Variants in ACAP2 observed in about 807,000 individuals in gnomAD.
The protein encoded by ACAP2 is arf-GAP with coiled-coil, ANK repeat and PH domain-containing protein 2.
Under a neutral mutation model 115.8 loss-of-function variants are expected in ACAP2, and 39 were observed. That is an observed-to-expected ratio of 0.34 (90% confidence interval 0.26 to 0.44). ACAP2 has a LOEUF of 0.44. Ranked by LOEUF, ACAP2 falls within the 20% of genes least tolerant of loss-of-function variation. ACAP2 has a pLI of 1.00. For synonymous variants in ACAP2, 289 were observed against 315.8 expected, an observed-to-expected ratio of 0.92 and a Z score of 0.90; for missense variants, 662 against 927.6, an observed-to-expected ratio of 0.71 and a Z score of 3.72.
intron 4 of ACAP2, among the ~76,000 whole-genome samples, chr3:195,364,043 G>A (rs766067736): frequency 1.4e-4 from 21 of 152,194 alleles, no homozygotes; most frequent in Non-Finnish European, 2.2e-4. Context: ...ACATTGGACT[G>A]GATAAAAATT....
At position 195,385,246 on chromosome 3, in the gene ACAP2, CAAAAAAA is replaced by C. The variant is rs112932639; in HGVS notation, c.112-3231_112-3225del. Among the ~76,000 whole-genome samples, 22 of 118,740 alleles carry C rather than the reference CAAAAAAA, an allele frequency of 1.9e-4. No individual in the cohort carries two copies. In the East Asian group the frequency reaches 5.5e-3, roughly 30 times the overall value. The allele number at this position is 118,740 out of a possible 152,430, so 77.9% of individuals were successfully genotyped here. ...TGGTCAACAACCCTATCTCTGTATTCAAAAAAAAAAAAAAAAGATTCTTAGCACAAAC... is the reference window on the plus strand; with the variant it reads ...TGGTCAACAACCCTATCTCTGTATTCAAAAAAAAAGATTCTTAGCACAAAC... On this transcript the variant is annotated intron_variant, in intron 2 of 22. Coordinates refer to ENST00000326793, the MANE Select transcript of ACAP2 (RefSeq NM_012287.6).
chr3:195,424,157 T>A (rs1283990379), intron 1 of ACAP2, among the ~76,000 whole-genome samples: 1 of 150,840 alleles, frequency 6.6e-6, no homozygotes. Context: ...TCCCCTAGTA[T>A]AAATAGCATA....
chr3:195,437,185 T>C (rs539274608), intron 1 of ACAP2, among the ~76,000 whole-genome samples: 228 of 151,666 alleles, frequency 1.5e-3, no homozygotes, highest in African/African-American at 5.3e-3. Context: ...TAGCTGGGAC[T>C]ACAGGCGTGG....
At chr3:195,362,017 T>C (rs1386884506) in intron 4 of ACAP2, among the ~76,000 whole-genome samples, 3 of 151,922 alleles carry the variant, frequency 2.0e-5, no homozygotes, top group Non-Finnish European at 4.4e-5. Flanking sequence ...AAAGCTCAAA[T>C]AAAAAGTCTT....
In ACAP2 at chr3:195,285,884, G is replaced by T. The variant is rs567904340; in HGVS notation, c.2175-27C>A. 3 of 1,507,732 alleles carry T rather than the reference G, an allele frequency of 2.0e-6. No homozygotes were observed. The African/African-American group carries it at 4.2e-5, about 21-fold the overall frequency. 93.4% of individuals were successfully genotyped at this position (1,507,732 alleles called of 1,614,324 possible). A position where few individuals can be genotyped will look rare whatever the true frequency, so the allele number is the denominator to read the frequency against. Reference sequence around the variant, plus strand: ...TAAAAATAAATAAAATAGTGTTTTAGATGACATTATATAATATAAATGTCA... The same window carrying T: ...TAAAAATAAATAAAATAGTGTTTTATATGACATTATATAATATAAATGTCA... On this transcript the variant is annotated intron_variant, in intron 21 of 22. Coordinates refer to ENST00000326793, the MANE Select transcript of ACAP2 (RefSeq NM_012287.6).
chr3:195,394,476 C>T (rs1431317473), intron 1 of ACAP2, among the ~76,000 whole-genome samples: 6 of 152,160 alleles, frequency 3.9e-5, no homozygotes, highest in African/African-American at 1.4e-4. Flanking sequence ...AATCTTATTT[C>T]ACTGTGCAAT....
Position 195,428,351 on chromosome 3 carries a change from C to T in ACAP2, c.53+14444G>A, listed in dbSNP as rs983821709. 7.6e-4 allele frequency among the ~76,000 whole-genome samples: 111 copies of T among 145,622 alleles called. 1 individual carries two copies. The highest frequency in any genetic ancestry group is 1.8e-3 in the Admixed American group (26 of 14,726). ...AGGTGTGTGTGTATATATATATACA[C>T]ACACACACACACTCATATATATAGG... On this transcript the variant is annotated intron_variant, in intron 1 of 22. Transcript: ENST00000326793.
At chr3:195,411,432 T>C (rs1213853410) in intron 1 of ACAP2, among the ~76,000 whole-genome samples, 5 of 152,216 alleles carry the variant, frequency 3.3e-5, no homozygotes, top group African/African-American at 7.2e-5. Flanking sequence ...GTGCATATAA[T>C]AGAATACGCA....
At chr3:195,340,799 A>G (rs530611019) in intron 6 of ACAP2, among the ~76,000 whole-genome samples, 1 of 152,088 alleles carries the variant, frequency 6.6e-6, no homozygotes, top group East Asian at 1.9e-4. Context: ...TACAGCAGAA[A>G]ATGGTATAAT....
intron 4 of ACAP2, among the ~76,000 whole-genome samples, chr3:195,380,297 A>C (rs1193688223): frequency 6.6e-6 from 1 of 152,184 alleles, no homozygotes; most frequent in Non-Finnish European, 1.5e-5. Flanking sequence ...TCAAATTAAG[A>C]ACCAAAAACA....
At chr3:195,407,669 C>A (rs1477663335) in intron 1 of ACAP2, among the ~76,000 whole-genome samples, 1 of 152,112 alleles carries the variant, frequency 6.6e-6, no homozygotes, top group African/African-American at 2.4e-5. Context: ...TGCACTCCTG[C>A]CTGGGCAACA....
intron 20 of ACAP2, among the ~76,000 whole-genome samples, chr3:195,290,711 G>C (rs942576335): frequency 3.3e-4 from 50 of 152,154 alleles, no homozygotes; most frequent in Middle Eastern, 3.4e-3. Flanking sequence ...TACTCAGGGG[G>C]CTAAGGCAGG....
chr3:195,378,074 G>A (rs1195604772), intron 4 of ACAP2, among the ~76,000 whole-genome samples: 4 of 150,784 alleles, frequency 2.7e-5, no homozygotes, highest in South Asian at 2.1e-4. Flanking sequence ...GAGGGAGGGA[G>A]GAAGGGAGGA....
intron 4 of ACAP2, among the ~76,000 whole-genome samples, chr3:195,351,449 T>TGTGC (rs1731589559): frequency 1.5e-5 from 1 of 68,890 alleles, no homozygotes; most frequent in African/African-American, 7.0e-5. Context: ...TTCGTGTGTG[T>TGTGC]GTGTGTGTGT....
intron 2 of ACAP2, among the ~76,000 whole-genome samples, chr3:195,391,609 G>C (rs1734682453): frequency 6.6e-6 from 1 of 152,118 alleles, no homozygotes; most frequent in African/African-American, 2.4e-5. Context: ...CTGGCACTTA[G>C]ATTAGACTTT....
chr3:195,293,941 G>A (rs1004842671), intron 18 of ACAP2, among the ~76,000 whole-genome samples: 1 of 151,642 alleles, frequency 6.6e-6, no homozygotes, highest in Non-Finnish European at 1.5e-5. Flanking sequence ...AGACCATCCT[G>A]GCTAACATGG....
At chr3:195,353,212 G>T (rs750961833) in intron 4 of ACAP2, among the ~76,000 whole-genome samples, 18 of 152,090 alleles carry the variant, frequency 1.2e-4, no homozygotes, top group Non-Finnish European at 2.5e-4. Flanking sequence ...TCCTTGGTCA[G>T]AGGACCAGAG....
chr3:195,308,982 A>C, intron 10 of ACAP2, 145 bp from the exon 11 acceptor site: 1 of 700,300 alleles, frequency 1.4e-6, no homozygotes, highest in Middle Eastern at 3.3e-4. Context: ...GCTTTATATA[A>C]ACTGATTCTA....
At chr3:195,385,364 T>C (rs1401261439) in intron 2 of ACAP2, among the ~76,000 whole-genome samples, 1 of 150,922 alleles carries the variant, frequency 6.6e-6, no homozygotes. Flanking sequence ...GCTTTTGTTT[T>C]GTTTTACTAA....
Sources: gnomAD v4.1 joint callset for allele counts (sites outside exome capture counted in the v4.1 genomes callset) on GRCh38, gnomAD v4.1.1 for gene constraint, MANE v1.5 for transcripts, NCBI Gene and HGNC (gene_info 2026-07-23, HGNC 2026-07-21) for gene names.